Variants in RNF150 observed in about 807,000 individuals in gnomAD.
RNF150 encodes the protein ring finger protein 150.
Under a neutral mutation model 39.3 loss-of-function variants are expected in RNF150, and 24 were observed. The observed-to-expected ratio is 0.61, with a 90% CI of 0.44 to 0.86. The LOEUF is 0.86. RNF150 is among the 40% of genes least tolerant of loss of function. RNF150 has a pLI of 0.00. For missense variants in RNF150, 502 were observed against 587.8 expected, an observed-to-expected ratio of 0.85 and a Z score of 1.51; for synonymous variants, 255 against 227.3, an observed-to-expected ratio of 1.12 and a Z score of -1.10.
At chr4:141,098,283 C>G (rs1331481876) in intron 1 of RNF150, among the ~76,000 whole-genome samples, 1 of 152,224 alleles carries the variant, frequency 6.6e-6, no homozygotes, top group Non-Finnish European at 1.5e-5. Context: ...CTAATGGCTA[C>G]TCTTCTGTAC....
intron 1 of RNF150, among the ~76,000 whole-genome samples, chr4:141,192,941 G>T (rs1395433747): frequency 6.6e-6 from 1 of 152,218 alleles, no homozygotes; most frequent in African/African-American, 2.4e-5. Flanking sequence ...TAGCTGCAAA[G>T]ATCACTTCTC....
intron 3 of RNF150, among the ~76,000 whole-genome samples, chr4:140,948,369 T>G (rs1732405607): frequency 6.6e-6 from 1 of 152,172 alleles, no homozygotes; most frequent in African/African-American, 2.4e-5. Flanking sequence ...AGACAATACC[T>G]GCTTATATAT....
chr4:141,175,594 C>T (rs1437689148), intron 1 of RNF150, among the ~76,000 whole-genome samples: 2 of 152,164 alleles, frequency 1.3e-5, no homozygotes, highest in African/African-American at 2.4e-5. Context: ...TTAACACTCT[C>T]CTCCCTACTT....
chr4:141,076,523 G>A (rs1204648985), intron 1 of RNF150, among the ~76,000 whole-genome samples: 1 of 151,600 alleles, frequency 6.6e-6, no homozygotes. Context: ...CAAGTATAAT[G>A]TCAAGCCTTC....
chr4:140,905,914 G>A (rs1225136992), intron 6 of RNF150, among the ~76,000 whole-genome samples: 1 of 152,088 alleles, frequency 6.6e-6, no homozygotes, highest in African/African-American at 2.4e-5. Context: ...TACCCAAAAG[G>A]GGTTCCTGGA....
intron 1 of RNF150, among the ~76,000 whole-genome samples, chr4:141,189,319 A>G (rs1395475958): frequency 1.3e-5 from 2 of 152,156 alleles, no homozygotes; most frequent in Non-Finnish European, 2.9e-5. Context: ...GCTCTCCTGT[A>G]TGAGGTGTCT....
intron 1 of RNF150, among the ~76,000 whole-genome samples, chr4:141,163,401 C>A (rs1727547889): frequency 6.6e-6 from 1 of 152,218 alleles, no homozygotes; most frequent in Non-Finnish European, 1.5e-5. Flanking sequence ...ACTTTCCCAC[C>A]TGCCTGCACT....
chr4:141,015,993 C>G (rs1263153145), intron 1 of RNF150, among the ~76,000 whole-genome samples: 1 of 152,136 alleles, frequency 6.6e-6, no homozygotes, highest in East Asian at 1.9e-4. Flanking sequence ...TGATAACACT[C>G]TCCACGTCCT....
rs374558163 is a variant in RNF150, at chr4:140,903,468, T to C, written c.1198+7676A>G. 3.2e-4 allele frequency among the ~76,000 whole-genome samples: 48 copies of C among 152,238 alleles called. 1 individual carries two copies. In the East Asian group the frequency reaches 7.9e-3, roughly 25 times the overall value. ...TTTAGAATCGAAATGCAAACACAAA[T>C]GTTATCTTATTTACACGAGACCCTC... On this transcript the variant is annotated intron_variant, in intron 6 of 6. Transcript: ENST00000515673.
In RNF150 at chr4:141,197,896, TA is replaced by T. The variant is rs539901715; in HGVS notation, c.-6+14897del. On this transcript the variant is annotated intron_variant, in intron 1 of 7. Coordinates refer to the RNF150 transcript ENST00000420921. Reference sequence around the variant, plus strand: ...CTGTCTCAAAAAAAAAATAAATAAATAAAAAAGAAATGGCCTCAATAAGCAG... The same window carrying T: ...CTGTCTCAAAAAAAAAATAAATAAATAAAAAGAAATGGCCTCAATAAGCAG... Among the ~76,000 whole-genome samples, 36 of 151,790 alleles carry T rather than the reference TA, an allele frequency of 2.4e-4. No homozygotes were observed. In the East Asian group the frequency reaches 6.4e-3, roughly 27 times the overall value.
At chr4:141,184,634 A>G (rs1727969153) in intron 1 of RNF150, among the ~76,000 whole-genome samples, 1 of 152,074 alleles carries the variant, frequency 6.6e-6, no homozygotes, top group African/African-American at 2.4e-5. Context: ...TTATGGCTTT[A>G]GGTCTTATGT....
chr4:141,188,678 G>C (rs560757564), intron 1 of RNF150, among the ~76,000 whole-genome samples: 1 of 152,256 alleles, frequency 6.6e-6, no homozygotes, highest in African/African-American at 2.4e-5. Flanking sequence ...AAGGTCTCAT[G>C]CTGTGTTTTT....
intron 1 of RNF150, among the ~76,000 whole-genome samples, chr4:141,015,230 G>C (rs1048735818): frequency 6.6e-6 from 1 of 152,096 alleles, no homozygotes; most frequent in Non-Finnish European, 1.5e-5. Context: ...GCTTCATAAT[G>C]TTTTTAAATC....
intron 1 of RNF150, among the ~76,000 whole-genome samples, chr4:141,026,937 G>A (rs150639732): frequency 0.015 from 2,337 of 152,284 alleles, 29 homozygotes; most frequent in Middle Eastern, 0.041. Flanking sequence ...GGGGAGTGAG[G>A]AGTAATGCCT....
Position 141,114,582 on chromosome 4 carries a change from G to C in RNF150, c.484+17743C>G, listed in dbSNP as rs1033382417. ...CAAATTCACAGCCGAATTCTACCAA[G>C]AGCCGGTACCATTCCTTCTGAAACT... On this transcript the variant is annotated intron_variant, in intron 1 of 6. Coordinates refer to ENST00000515673, the MANE Select transcript of RNF150 (RefSeq NM_020724.2). Among the ~76,000 whole-genome samples, 3 of 152,138 alleles carry C rather than the reference G, an allele frequency of 2.0e-5. No individual in the cohort carries two copies. The South Asian group carries it at 6.2e-4, about 32-fold the overall frequency.
chr4:140,970,137 T>A (rs948032736), intron 1 of RNF150, among the ~76,000 whole-genome samples: 1 of 152,160 alleles, frequency 6.6e-6, no homozygotes, highest in Admixed American at 6.6e-5. Context: ...TTTAGAACTA[T>A]TTAGAAACTA....
chr4:141,041,124 G>A (rs575006468), intron 1 of RNF150, among the ~76,000 whole-genome samples: 3 of 152,078 alleles, frequency 2.0e-5, no homozygotes, highest in African/African-American at 7.2e-5. Flanking sequence ...GTAGTACTAA[G>A]CCTACAGCAA....
At chr4:141,095,057 G>A (rs191025899) in intron 1 of RNF150, among the ~76,000 whole-genome samples, 1 of 152,294 alleles carries the variant, frequency 6.6e-6, no homozygotes, top group Admixed American at 6.5e-5. Flanking sequence ...AGGACATAGA[G>A]CAAATAAAAA....
intron 5 of RNF150, among the ~76,000 whole-genome samples, chr4:140,923,515 T>C (rs994962127): frequency 2.0e-5 from 3 of 152,186 alleles, no homozygotes; most frequent in Non-Finnish European, 4.4e-5. Flanking sequence ...ACTTTTACAC[T>C]GTTGGTGGGA....
Sources: gnomAD v4.1 joint callset for allele counts (sites outside exome capture counted in the v4.1 genomes callset) on GRCh38, gnomAD v4.1.1 for gene constraint, MANE v1.5 for transcripts, NCBI Gene and HGNC (gene_info 2026-07-23, HGNC 2026-07-21) for gene names.